SRGAP1: variants seen among roughly 807,000 people sequenced by gnomAD.
SRGAP1 encodes the protein SLIT-ROBO Rho GTPase activating protein 1.
In SRGAP1, 43 loss-of-function variants were observed where a neutral mutation model predicts 121.9. That is an observed-to-expected ratio of 0.35 (90% CI 0.28 to 0.46). SRGAP1 has a LOEUF of 0.46. Among genes scored for constraint, SRGAP1 ranks in the 20% least tolerant of loss-of-function variants. SRGAP1 has a pLI of 1.00. For synonymous variants in SRGAP1, 447 were observed against 485.4 expected, an observed-to-expected ratio of 0.92 and a Z score of 1.04; for missense variants, 1,102 against 1,350.9, an observed-to-expected ratio of 0.82 and a Z score of 2.89.
At chr12:63,933,562 G>A (rs1309212654) in intron 1 of SRGAP1, among the ~76,000 whole-genome samples, 2 of 152,156 alleles carry the variant, frequency 1.3e-5, no homozygotes, top group African/African-American at 4.8e-5. Flanking sequence ...AACCAGCACT[G>A]AATATTGAAA....
At chr12:64,117,284 T>A (rs185983374) in intron 18 of SRGAP1, among the ~76,000 whole-genome samples, 1 of 152,360 alleles carries the variant, frequency 6.6e-6, no homozygotes, top group East Asian at 1.9e-4. Flanking sequence ...AAAATTCCTA[T>A]CAAGTCTTTT....
In SRGAP1 at chr12:64,043,680, G is replaced by A. The variant is rs528812760; in HGVS notation, c.801+105G>A. Reference sequence around the variant, plus strand: ...TCATTTCTTAAGACTGTTATTTTACGTAATACTCAAAAAGAAAAAAATACT... The same window carrying A: ...TCATTTCTTAAGACTGTTATTTTACATAATACTCAAAAAGAAAAAAATACT... On this transcript the variant is annotated intron_variant, in intron 6 of 21. Coordinates refer to ENST00000355086, the MANE Select transcript of SRGAP1 (RefSeq NM_020762.4). The A allele has an allele frequency of 4.3e-5, 36 of 844,680 alleles. 1 individual carries two copies. The African/African-American group carries it at 4.7e-4, about 11-fold the overall frequency. 52.3% of individuals were successfully genotyped at this position (844,680 alleles called of 1,614,324 possible). A position where few individuals can be genotyped will look rare whatever the true frequency, so the allele number is the denominator to read the frequency against.
rs1344364334 is a variant in SRGAP1 at position 64,158,573 on chromosome 12, A to C, written c.*15901A>C. The C allele has an allele frequency of 6.6e-6, 1 of 152,182 alleles. No individual in the cohort carries two copies. The highest frequency in any genetic ancestry group is 1.9e-4 in the East Asian group (1 of 5,196). The allele number at this position is 152,182 out of a possible 1,614,324, so 9.4% of individuals were successfully genotyped here. ...AGGATTATGAGGTCAGGAGTTTGAG[A>C]CCAGCCTGGCCAATATGGTGAAACC... On this transcript the variant is annotated 3_prime_UTR_variant, in exon 22 of 22. Transcript: ENST00000355086.
intron 10 of SRGAP1, chr12:64,081,226 T>G (rs989504047): frequency 6.6e-5 from 10 of 151,636 alleles, no homozygotes; most frequent in African/African-American, 2.4e-4. Context: ...TGGAAGGGAG[T>G]GGGAAATGAG....
chr12:63,993,594 T>C (rs1354180152), intron 3 of SRGAP1, among the ~76,000 whole-genome samples: 2 of 152,186 alleles, frequency 1.3e-5, no homozygotes, highest in South Asian at 2.1e-4. Flanking sequence ...GTGTGCCTGA[T>C]AGTTTTGGCC....
intron 21 of SRGAP1, among the ~76,000 whole-genome samples, chr12:64,137,350 TAA>T (rs200460641): frequency 1.4e-4 from 20 of 148,046 alleles, no homozygotes; most frequent in Admixed American, 1.2e-3. Context: ...TAAATACTTG[TAA>T]AAAAAAAAAT....
intron 12 of SRGAP1, among the ~76,000 whole-genome samples, chr12:64,092,469 T>TATACATACATAC (rs200490527): frequency 1.1e-4 from 14 of 128,238 alleles, no homozygotes; most frequent in African/African-American, 4.3e-4. Context: ...TACATACATA[T>TATACATACATAC]ATACATACAT....
intron 14 of SRGAP1, among the ~76,000 whole-genome samples, chr12:64,095,568 C>T (rs1299260501): frequency 1.3e-5 from 2 of 152,108 alleles, no homozygotes; most frequent in Admixed American, 6.5e-5. Flanking sequence ...CTCCCTTTGT[C>T]GGGAGCTCTT....
At chr12:63,847,571 C>T (rs1242910472) in intron 1 of SRGAP1, among the ~76,000 whole-genome samples, 2 of 152,014 alleles carry the variant, frequency 1.3e-5, no homozygotes, top group South Asian at 4.1e-4. Context: ...CATGGTGAAA[C>T]CCTGTCCCTA....
chr12:64,095,911 G>A (rs2036146537), intron 14 of SRGAP1, among the ~76,000 whole-genome samples: 1 of 152,176 alleles, frequency 6.6e-6, no homozygotes, highest in Admixed American at 6.5e-5. Context: ...ATTATAATTA[G>A]CAAAGCTGCA....
At chr12:64,079,760 A>G (rs2035802752) in intron 9 of SRGAP1, among the ~76,000 whole-genome samples, 1 of 152,014 alleles carries the variant, frequency 6.6e-6, no homozygotes, top group Non-Finnish European at 1.5e-5. Context: ...TGAAAGTGCC[A>G]GTTCTTATTT....
intron 4 of SRGAP1, chr12:64,038,559 G>A (rs2034947245): frequency 6.6e-6 from 1 of 152,236 alleles, no homozygotes; most frequent in East Asian, 1.9e-4. Flanking sequence ...TTAACACGAA[G>A]CATTAAATTT....
Position 64,063,089 on chromosome 12 carries a change from C to T in SRGAP1, c.974C>T (p.Ala325Val), listed in dbSNP as rs773806400. ...AGATTCATGGAGATGTACCCTGCTG[C>T]GTTCTGTCCACCAATGAAGTTTGAG... Reference protein sequence around the residue: ...KQRFMEMYPAAFCPPMKFEFQ... With the variant: ...KQRFMEMYPAVFCPPMKFEFQ... Residue 325 changes from alanine (A) to valine (V), a missense_variant, in exon 7 of 22, where the codon GCG (alanine) becomes GTG (valine). Ala to Val is a moderately conservative substitution (Grantham distance 64). Around this residue, in one of 3 missense-constraint regions of SRGAP1, gnomAD observed 747 missense variants for 929.4 expected, o/e 0.80. Coordinates refer to ENST00000355086, the MANE Select transcript of SRGAP1 (RefSeq NM_020762.4). 2.9e-5 allele frequency: 47 copies of T among 1,614,014 alleles called. 1 individual carries two copies. In the Admixed American group the frequency reaches 5.8e-4, roughly 20 times the overall value.
chr12:64,028,864 A>C (rs2034711375), intron 4 of SRGAP1, among the ~76,000 whole-genome samples: 1 of 152,196 alleles, frequency 6.6e-6, no homozygotes, highest in African/African-American at 2.4e-5. Context: ...GTGATAGAAG[A>C]GTGGGGTACT....
chr12:64,142,000 A>AT (rs1406705739), intron 21 of SRGAP1, among the ~76,000 whole-genome samples: 1 of 151,758 alleles, frequency 6.6e-6, no homozygotes, highest in Non-Finnish European at 1.5e-5. Flanking sequence ...AAAGAAAAAA[A>AT]TTTTTTTTTA....
chr12:64,120,146 C>T (rs2036583377), intron 18 of SRGAP1, among the ~76,000 whole-genome samples: 1 of 152,060 alleles, frequency 6.6e-6, no homozygotes, highest in Non-Finnish European at 1.5e-5. Context: ...TTTATAGTCT[C>T]TGGCTATTTA....
At chr12:64,027,235 G>A (rs1458270801) in intron 4 of SRGAP1, among the ~76,000 whole-genome samples, 1 of 152,084 alleles carries the variant, frequency 6.6e-6, no homozygotes, top group African/African-American at 2.4e-5. Flanking sequence ...TAAGTACCTT[G>A]CCCAAGGTCA....
chr12:64,137,793 T>G (rs932561338), intron 21 of SRGAP1, among the ~76,000 whole-genome samples: 1 of 151,942 alleles, frequency 6.6e-6, no homozygotes, highest in Non-Finnish European at 1.5e-5. Flanking sequence ...TGGAAATGAA[T>G]AGGGAAATCA....
chr12:63,921,041 A>G (rs1241233546), intron 1 of SRGAP1, among the ~76,000 whole-genome samples: 2 of 152,196 alleles, frequency 1.3e-5, no homozygotes, highest in East Asian at 3.9e-4. Flanking sequence ...CTTCTTCCTT[A>G]TCTCAGTGAG....
Sources: gnomAD v4.1 joint callset for allele counts (sites outside exome capture counted in the v4.1 genomes callset) on GRCh38, gnomAD v4.1.1 for gene constraint, gnomAD v4.1.1 regional missense constraint, MANE v1.5 for transcripts, NCBI Gene and HGNC (gene_info 2026-07-23, HGNC 2026-07-21) for gene names.